Variants in CSMD1 observed in about 807,000 individuals in gnomAD.
CSMD1 encodes CUB and Sushi multiple domains 1, also known as CUB and sushi domain-containing protein 1.
CSMD1 carries 213 observed loss-of-function variants against 417.5 expected under a neutral mutation model. That is an observed-to-expected ratio of 0.51 (90% CI 0.46 to 0.57). The LOEUF (loss-of-function observed/expected upper bound fraction) is 0.57, where lower values mean the gene tolerates loss of function less well. Among genes scored for constraint, CSMD1 ranks in the 20% least tolerant of loss-of-function variants. The probability of loss-of-function intolerance (pLI) is 0.00; values close to 1 mark genes in which losing one functional copy is unlikely to be tolerated. For missense variants in CSMD1, 6,923 were observed against 4,529.7 expected (o/e 1.53, Z -15.17); for synonymous variants, 2,862 against 1,736.8 (o/e 1.65, Z -16.11).
intron 49 of CSMD1, among the ~76,000 whole-genome samples, chr8:3,082,283 T>C (rs1018039305): frequency 6.6e-6 from 1 of 152,216 alleles, no homozygotes; most frequent in Admixed American, 6.5e-5. Flanking sequence ...ATTGTATCTC[T>C]TTTGCTCTTT....
intron 3 of CSMD1, among the ~76,000 whole-genome samples, chr8:4,055,176 G>A (rs76228517): frequency 7.2e-5 from 11 of 152,072 alleles, no homozygotes; most frequent in Admixed American, 2.6e-4. Context: ...TTTCTCATAC[G>A]CAGTCAAGTT....
intron 49 of CSMD1, among the ~76,000 whole-genome samples, chr8:3,069,592 C>G (rs1813188969): frequency 6.6e-6 from 1 of 152,188 alleles, no homozygotes; most frequent in South Asian, 2.1e-4. Flanking sequence ...TTCGCAAGGC[C>G]TTGGGCAGCT....
intron 37 of CSMD1, among the ~76,000 whole-genome samples, chr8:3,167,024 C>T (rs575582420): frequency 2.3e-4 from 35 of 152,286 alleles, no homozygotes; most frequent in African/African-American, 7.2e-4. Context: ...CAGTGGCTCA[C>T]GCCTGTCATC....
At chr8:4,650,161 C>T (rs1018355919) in intron 1 of CSMD1, among the ~76,000 whole-genome samples, 2 of 151,770 alleles carry the variant, frequency 1.3e-5, no homozygotes, top group Admixed American at 6.6e-5. Flanking sequence ...CTGGCTAACA[C>T]GGTGAAACCC....
intron 5 of CSMD1, among the ~76,000 whole-genome samples, chr8:3,807,741 C>A (rs1800827805): frequency 1.3e-5 from 2 of 152,110 alleles, no homozygotes; most frequent in Admixed American, 6.6e-5. Context: ...ACACAGGAAT[C>A]ATCTTTAGTC....
intron 6 of CSMD1, among the ~76,000 whole-genome samples, chr8:3,735,752 C>G (rs959471634): frequency 4.6e-5 from 7 of 152,204 alleles, no homozygotes; most frequent in African/African-American, 1.7e-4. Context: ...CACCTCTAGC[C>G]TTTACAATGT....
intron 57 of CSMD1, among the ~76,000 whole-genome samples, chr8:2,970,574 G>T (rs565827190): frequency 2.0e-4 from 30 of 152,226 alleles, no homozygotes; most frequent in South Asian, 4.2e-4. Flanking sequence ...AGCCCTCTTT[G>T]TAACTATTGA....
At chr8:4,092,170 T>C (rs1252271770) in intron 3 of CSMD1, among the ~76,000 whole-genome samples, 2 of 152,182 alleles carry the variant, frequency 1.3e-5, no homozygotes, top group Admixed American at 6.5e-5. Flanking sequence ...AAGAGGACAA[T>C]TTCAAAATCC....
At chr8:3,500,746 G>A (rs747659022) in intron 10 of CSMD1, among the ~76,000 whole-genome samples, 2 of 152,130 alleles carry the variant, frequency 1.3e-5, no homozygotes, top group Non-Finnish European at 2.9e-5. Context: ...ACTGGATGGA[G>A]GACATGGATA....
rs148808951 is a variant in CSMD1, at chr8:4,321,689, T to C, written c.415+98264A>G. ...GAGCTGTTCAACATTCCTAAGATAG[T>C]GATAGGAATCAATGTCTTTGTTGAT... is the stretch of plus-strand genomic sequence containing the variant. On this transcript the variant is annotated intron_variant, in intron 3 of 69. Coordinates refer to ENST00000635120, the MANE Select transcript of CSMD1 (RefSeq NM_033225.6). Among the ~76,000 whole-genome samples, 216 of 152,320 alleles carry C rather than the reference T, an allele frequency of 1.4e-3. 2 individuals carry two copies. Among genetic ancestry groups the C allele is most frequent in the African/African-American group, 5.0e-3 (207 of 41,582 alleles).
intron 2 of CSMD1, among the ~76,000 whole-genome samples, chr8:4,518,613 C>T (rs550049179): frequency 9.9e-4 from 126 of 127,266 alleles, no homozygotes; most frequent in African/African-American, 2.2e-3. Context: ...CCGGGGACTG[C>T]TGTGGGGTGG....
At chr8:3,230,540 T>A (rs1383766261) in intron 26 of CSMD1, among the ~76,000 whole-genome samples, 1 of 152,126 alleles carries the variant, frequency 6.6e-6, no homozygotes, top group Non-Finnish European at 1.5e-5. Context: ...ACACACAGAC[T>A]GATTTTCTCT....
intron 23 of CSMD1, 132 bp from the exon 24 acceptor site, chr8:3,308,635 A>C (rs1487393212): frequency 4.5e-6 from 3 of 666,896 alleles, no homozygotes; most frequent in Non-Finnish European, 7.5e-6. Context: ...TGAATTTACA[A>C]AGGGGAAAAG....
At chr8:3,827,908 A>G (rs771231926) in intron 5 of CSMD1, among the ~76,000 whole-genome samples, 1 of 152,232 alleles carries the variant, frequency 6.6e-6, no homozygotes, top group African/African-American at 2.4e-5. Context: ...AAAGGAAACA[A>G]TATAGTAAGC....
chr8:3,926,883 G>A (rs947489786), intron 5 of CSMD1, among the ~76,000 whole-genome samples: 3 of 151,522 alleles, frequency 2.0e-5, no homozygotes, highest in Admixed American at 1.3e-4. Context: ...ACCCAGCTAA[G>A]TTTTGTATTT....
intron 2 of CSMD1, among the ~76,000 whole-genome samples, chr8:4,615,696 T>C (rs751102122): frequency 1.3e-5 from 2 of 152,174 alleles, no homozygotes; most frequent in Non-Finnish European, 2.9e-5. Flanking sequence ...GCACATAAAC[T>C]GTTCTGTTAA....
rs767123597 is a variant in CSMD1, at chr8:3,107,745, G to A, written c.6808C>T (p.Leu2270Phe). 53 of 1,592,914 alleles carry A rather than the reference G, an allele frequency of 3.3e-5. No individual in the cohort carries two copies. The highest frequency in any genetic ancestry group is 4.5e-5 in the Non-Finnish European group (53 of 1,171,588). ...PPPAVPQAEM[L>F]TEDDDFEIGD... is the part of the protein sequence containing the mutation. ...ATTTCGAAATCATCATCCTCAGTAA[G>A]CATTTCTGCCTGTGGAACCGCTGGG... The change falls in exon 45 of 70, where the codon CTT becomes TTT. Residue 2270 changes from leucine to phenylalanine, a missense_variant. Physicochemically the swap from Leu to Phe is conservative, Grantham distance 22. Coordinates refer to ENST00000635120, the MANE Select transcript of CSMD1 (RefSeq NM_033225.6).
intron 6 of CSMD1, among the ~76,000 whole-genome samples, chr8:3,716,940 G>T (rs185782935): frequency 6.6e-6 from 1 of 152,080 alleles, no homozygotes; most frequent in Admixed American, 6.6e-5. Context: ...CCACCAAAAT[G>T]TTATAAGATT....
At chr8:4,746,250 C>T (rs1444078452) in intron 1 of CSMD1, among the ~76,000 whole-genome samples, 1 of 152,160 alleles carries the variant, frequency 6.6e-6, no homozygotes, top group Non-Finnish European at 1.5e-5. Flanking sequence ...AAATTCCAGC[C>T]AGACTAGATC....
Sources: allele counts gnomAD v4.1 joint callset (sites outside exome capture counted in the v4.1 genomes callset), GRCh38; gene constraint gnomAD v4.1.1; transcripts MANE v1.5; gene names NCBI Gene and HGNC (gene_info 2026-07-23, HGNC 2026-07-21).